ZIM2: variants seen among roughly 807,000 people sequenced by gnomAD.
The protein encoded by ZIM2 is zinc finger imprinted 2.
A neutral mutation model predicts 38.6 loss-of-function variants in ZIM2; 14 were observed. That is an observed-to-expected ratio of 0.36 (90% CI 0.24 to 0.57). ZIM2 has a LOEUF of 0.57. Among genes scored for constraint, ZIM2 ranks in the 20% least tolerant of loss-of-function variants. The pLI, the probability that ZIM2 is intolerant of heterozygous loss-of-function variation, is 0.81. For missense variants in ZIM2, 680 were observed against 695.1 expected (o/e 0.98, Z 0.24); for synonymous variants, 247 against 245.8 (o/e 1.00, Z -0.04).
chr19:56,839,720 CCA>C (rs1318500989), intron 1 of ZIM2, among the ~76,000 whole-genome samples: 3 of 152,198 alleles, frequency 2.0e-5, no homozygotes, highest in African/African-American at 7.2e-5. Flanking sequence ...CCAATGCAAC[CCA>C]CAGTCATTCA....
At chr19:56,796,546 C>T (rs1013216942) in intron 9 of ZIM2, among the ~76,000 whole-genome samples, 9 of 152,192 alleles carry the variant, frequency 5.9e-5, no homozygotes, top group South Asian at 2.1e-4. Context: ...GGCTGATCCC[C>T]GCTGGAGAGC....
In ZIM2 at chr19:56,800,603, AAGAG is replaced by A. The variant is rs561882555; in HGVS notation, c.491-10656_491-10653del. Among the ~76,000 whole-genome samples the A allele has an allele frequency of 1.4e-3, 216 of 152,246 alleles. 1 individual carries two copies. The highest frequency in any genetic ancestry group is 6.8e-3 in the Middle Eastern group (2 of 292). ...AAAAGGTAGAAAGGAACCAGTAAGT[AAGAG>A]AGAGAAAGAGAGAAAAGATTTTTAG... On this transcript the variant is annotated intron_variant, in intron 9 of 12. Transcript: ENST00000629319.
At position 56,777,424 on chromosome 19, in the gene ZIM2, A is replaced by G. The variant is rs1312411095; in HGVS notation, c.836-1895T>C. Among the ~76,000 whole-genome samples, 3 of 152,118 alleles carry G rather than the reference A, an allele frequency of 2.0e-5. No individual in the cohort carries two copies. In the South Asian group the frequency reaches 6.2e-4, roughly 32 times the overall value. On this transcript the variant is annotated intron_variant, in intron 12 of 12. Coordinates refer to ENST00000629319, the MANE Select transcript of ZIM2 (RefSeq NM_001387356.1). ...ATACCTCCAACCTGACCCCTCTACA[A>G]CCACGGCCTCAGCCTCCATCATCTT...
chr19:56,800,989 G>A (rs904525191), intron 9 of ZIM2, among the ~76,000 whole-genome samples: 2 of 147,486 alleles, frequency 1.4e-5, no homozygotes, highest in South Asian at 2.1e-4. Context: ...AGGCTGGAGT[G>A]CAGTGGCACG....
chr19:56,836,003 G>T lies in ZIM2; in HGVS notation c.-227+15C>A. ...AAAGATGAATGTGGCACTGTGAGGA[G>T]GAAATTCAACTCACCTGGACCCAGC... On this transcript the variant is annotated intron_variant, in intron 2 of 12. Coordinates refer to ENST00000629319, the MANE Select transcript of ZIM2 (RefSeq NM_001387356.1). 1 of 510,312 alleles carries T rather than the reference G, an allele frequency of 2.0e-6. No homozygotes were observed. 31.6% of individuals were successfully genotyped at this position (510,312 alleles called of 1,614,324 possible).
intron 1 of ZIM2, among the ~76,000 whole-genome samples, chr19:56,838,214 C>T (rs1204994537): frequency 6.6e-6 from 1 of 152,208 alleles, no homozygotes; most frequent in Non-Finnish European, 1.5e-5. Flanking sequence ...TAACTGCCCT[C>T]ACGTGCCCCA....
At chr19:56,826,174 G>C (rs1007149931) in intron 3 of ZIM2, among the ~76,000 whole-genome samples, 1 of 152,200 alleles carries the variant, frequency 6.6e-6, no homozygotes, top group Non-Finnish European at 1.5e-5. Context: ...AGACCAGAGA[G>C]TCCAGGCTCC....
chr19:56,775,048 C>G lies in ZIM2; in HGVS notation c.1317G>C (p.Gln439His), dbSNP rs138544069. 10 of 1,614,128 alleles carry G rather than the reference C, an allele frequency of 6.2e-6. No homozygotes were observed. Among genetic ancestry groups the G allele is most frequent in the Non-Finnish European group, 8.5e-6 (10 of 1,180,014 alleles). ...NLCERVRIHS[Q>H]EDYFECFQCG... ...ACTGAAAACATTCAAAGTAGTCCTCCTGACTGTGAATTCTTACACGTTCAC... is the reference window on the plus strand; with the variant it reads ...ACTGAAAACATTCAAAGTAGTCCTCGTGACTGTGAATTCTTACACGTTCAC... The change falls in exon 13 of 13, where the codon CAG becomes CAC. Residue 439 changes from glutamine (Q) to histidine (H), a missense_variant. Transcript: ENST00000629319.
At chr19:56,790,116 C>T in intron 9 of ZIM2, 165 bp from the exon 10 acceptor site, 1 of 465,462 alleles carries the variant, frequency 2.1e-6, no homozygotes. Context: ...CTCAAAATAA[C>T]AAGTTCCAAA....
chr19:56,840,273 G>A (rs990937786), intron 1 of ZIM2, among the ~76,000 whole-genome samples: 6 of 152,202 alleles, frequency 3.9e-5, no homozygotes, highest in Non-Finnish European at 5.9e-5. Flanking sequence ...TCAGAAAGGC[G>A]CGGAGACCCT....
At chr19:56,824,461 G>C (rs148324200) in intron 3 of ZIM2, 34 bp from the exon 4 acceptor site, 1 of 1,613,984 alleles carries the variant, frequency 6.2e-7, no homozygotes, top group Non-Finnish European at 8.5e-7. Context: ...TTCGGAGTTT[G>C]ATCAGGGTCT....
chr19:56,817,787 G>A lies in ZIM2; in HGVS notation c.449C>T (p.Ser150Leu), dbSNP rs1366180633. The A allele has an allele frequency of 6.2e-7, 1 of 1,614,026 alleles. No homozygotes were observed. The highest frequency in any genetic ancestry group is 1.3e-5 in the African/African-American group (1 of 74,916). The part of the protein sequence containing the change: ...DGHSHMTQGH[S>L]SRSKRSAYPS... ...GTAGGCACTTCTCTTGGATCTTGAT[G>A]AGTGGCCCTGCGTCATGTGGGAGTG... Residue 150 changes from serine to leucine, a missense_variant, in exon 9 of 13, where the codon TCA becomes TTA. Transcript: ENST00000629319.
At chr19:56,804,822 G>A (rs1041118553) in intron 9 of ZIM2, among the ~76,000 whole-genome samples, 3 of 152,194 alleles carry the variant, frequency 2.0e-5, no homozygotes, top group East Asian at 1.9e-4. Flanking sequence ...TAGTAACCCC[G>A]TAACGGGGGT....
intron 12 of ZIM2, among the ~76,000 whole-genome samples, chr19:56,778,002 TCCTC>T (rs2046111018): frequency 6.6e-6 from 1 of 152,150 alleles, no homozygotes; most frequent in South Asian, 2.1e-4. Flanking sequence ...GTAACACTCT[TCCTC>T]AAGATTTCTA....
chr19:56,822,683 T>C, intron 6 of ZIM2, 70 bp downstream of exon 6: 4 of 1,579,246 alleles, frequency 2.5e-6, no homozygotes, highest in South Asian at 1.2e-5. Flanking sequence ...GCCCTGGCAC[T>C]TTCCCCTTGA....
At chr19:56,812,266 T>A in intron 9 of ZIM2, 1 of 978,964 alleles carries the variant, frequency 1.0e-6, no homozygotes, top group Admixed American at 6.1e-5. Flanking sequence ...AGCTGTGAGG[T>A]CAATTTGTAA....
chr19:56,813,350 T>C (rs773756326), intron 9 of ZIM2: 30 of 1,106,274 alleles, frequency 2.7e-5, no homozygotes, highest in Non-Finnish European at 3.3e-5. Context: ...ATATATACGT[T>C]ACACAAGTGT....
intron 5 of ZIM2, among the ~76,000 whole-genome samples, chr19:56,823,198 C>T (rs754403704): frequency 1.2e-4 from 18 of 152,120 alleles, no homozygotes; most frequent in South Asian, 6.2e-4. Context: ...TTAAAGTACA[C>T]GTTATTCTAC....
At chr19:56,813,174 A>G (rs1465103686) in intron 9 of ZIM2, 1 of 981,074 alleles carries the variant, frequency 1.0e-6, no homozygotes, top group East Asian at 1.1e-4. Context: ...TAAAAATATA[A>G]TCAAATTTGT....
Sources: gnomAD v4.1 joint callset for allele counts (sites outside exome capture counted in the v4.1 genomes callset) on GRCh38, gnomAD v4.1.1 for gene constraint, MANE v1.5 for transcripts, NCBI Gene and HGNC (gene_info 2026-07-23, HGNC 2026-07-21) for gene names.